Variants in SLC9B1 observed in about 807,000 individuals in gnomAD.
SLC9B1 encodes the protein solute carrier family 9 member B1, also known as sodium/hydrogen exchanger 9B1.
A neutral mutation model predicts 51.7 loss-of-function variants in SLC9B1; 32 were observed. That is an observed-to-expected ratio of 0.62 (90% CI 0.47 to 0.83). SLC9B1 has a LOEUF of 0.83. SLC9B1 is among the 40% of genes least tolerant of loss of function. The probability of loss-of-function intolerance (pLI) is 0.00; values close to 1 mark genes in which losing one functional copy is unlikely to be tolerated. For synonymous variants in SLC9B1, 145 were observed against 212.7 expected (o/e 0.68, Z 2.77); for missense variants, 406 against 613.2 (o/e 0.66, Z 3.57).
intron 3 of SLC9B1, among the ~76,000 whole-genome samples, chr4:102,958,078 T>C (rs1172557882): frequency 6.6e-6 from 1 of 152,166 alleles, no homozygotes; most frequent in East Asian, 1.9e-4. Flanking sequence ...TGAAACTCTG[T>C]TGATATAGTT....
intron 3 of SLC9B1, among the ~76,000 whole-genome samples, chr4:102,967,643 C>A (rs1560957424): frequency 6.6e-6 from 1 of 152,088 alleles, no homozygotes; most frequent in Admixed American, 6.6e-5. Context: ...CAACTAATCC[C>A]ACAAGAGTGA....
intron 3 of SLC9B1, among the ~76,000 whole-genome samples, chr4:102,966,774 T>C (rs1006149691): frequency 3.3e-5 from 5 of 152,242 alleles, no homozygotes; most frequent in African/African-American, 9.6e-5. Flanking sequence ...TTGGTTGTTC[T>C]GCTGCACCCT....
In SLC9B1 at chr4:103,019,594, C is replaced by T. The variant is rs115084839; in HGVS notation, c.-2+5G>A. 300 of 985,460 alleles carry T rather than the reference C, an allele frequency of 3.0e-4. 1 individual carries two copies. The African/African-American group carries it at 4.8e-3, about 16-fold the overall frequency. 61.0% of individuals were successfully genotyped at this position (985,460 alleles called of 1,614,324 possible). On this transcript the variant is annotated splice_donor_5th_base_variant and intron_variant, in intron 1 of 11. Coordinates refer to ENST00000296422, the MANE Select transcript of SLC9B1 (RefSeq NM_139173.4). ...AAGGGCGGCGTTAAGAAAAATGGGC[C>T]GTACCTACAACTTCTTTCGCAGCCC...
rs1410427534 is a variant in SLC9B1 at position 103,003,001 on chromosome 4, C to T, written c.-1-11289G>A. On this transcript the variant is annotated intron_variant, in intron 1 of 11. Transcript: ENST00000296422. ...TTCTTATATAAAAAAGAAACAAAAT[C>T]CTTGCTTTTTTAAAGCTTGTATAAT... Among the ~76,000 whole-genome samples the T allele has an allele frequency of 1.3e-5, 2 of 152,152 alleles. 1 individual carries two copies. Among genetic ancestry groups the T allele is most frequent in the Non-Finnish European group, 2.9e-5 (2 of 68,024 alleles).
intron 11 of SLC9B1, among the ~76,000 whole-genome samples, chr4:102,901,751 C>T (rs1734803776): frequency 6.6e-6 from 1 of 152,062 alleles, no homozygotes; most frequent in South Asian, 2.1e-4. Flanking sequence ...GGATTTGTTG[C>T]CCTTCTTCTC....
At chr4:102,951,511 G>A (rs1377915158) in intron 3 of SLC9B1, among the ~76,000 whole-genome samples, 1 of 151,874 alleles carries the variant, frequency 6.6e-6, no homozygotes, top group Non-Finnish European at 1.5e-5. Context: ...TTGGAGACAT[G>A]AGAAGAAGAA....
intron 4 of SLC9B1, among the ~76,000 whole-genome samples, chr4:102,947,192 T>C (rs1578370573): frequency 6.6e-6 from 1 of 152,120 alleles, no homozygotes; most frequent in Non-Finnish European, 1.5e-5. Context: ...AGAGACCAAA[T>C]TGAAGGCTCT....
At chr4:103,019,550 C>G (rs1385318852) in intron 1 of SLC9B1, 49 bp downstream of exon 1, 1 of 983,622 alleles carries the variant, frequency 1.0e-6, no homozygotes, top group African/African-American at 1.7e-5. Flanking sequence ...AGACCCGGGA[C>G]TAGCGCCAAA....
intron 11 of SLC9B1, among the ~76,000 whole-genome samples, chr4:102,904,750 G>T (rs1258141035): frequency 6.6e-6 from 1 of 152,132 alleles, no homozygotes; most frequent in East Asian, 1.9e-4. Context: ...GGGAGGCTGA[G>T]GCGGGTGGAT....
At chr4:102,907,636 C>T (rs2110428670) in intron 9 of SLC9B1, among the ~76,000 whole-genome samples, 1 of 152,312 alleles carries the variant, frequency 6.6e-6, no homozygotes, top group African/African-American at 2.4e-5. Context: ...GGCTCTTCTC[C>T]AGGAATTTGG....
chr4:102,991,719 T>G lies in SLC9B1; in HGVS notation c.-1-7A>C. On this transcript the variant is annotated splice_region_variant and splice_polypyrimidine_tract_variant and intron_variant, in intron 1 of 11. Transcript: ENST00000296422. Reference sequence around the variant, plus strand: ...TGATTCTGTGGTATGCATGCTAAGATTTAAAAGAAAAATACTTTAAAAGAA... The same window carrying G: ...TGATTCTGTGGTATGCATGCTAAGAGTTAAAAGAAAAATACTTTAAAAGAA... 6.4e-7 allele frequency: 1 copy of G among 1,553,518 alleles called. No individual in the cohort carries two copies.
chr4:102,891,494 G>T (rs1052596523), intron 11 of SLC9B1: 7 of 152,194 alleles, frequency 4.6e-5, no homozygotes, highest in African/African-American at 1.7e-4. Flanking sequence ...GTTTAGTGAT[G>T]AATTGGAATC....
At chr4:102,927,278 C>A (rs1736232369) in intron 7 of SLC9B1, among the ~76,000 whole-genome samples, 2 of 152,174 alleles carry the variant, frequency 1.3e-5, no homozygotes, top group South Asian at 4.1e-4. Flanking sequence ...AGAGCTTCTG[C>A]ATAGCAAAAG....
At chr4:103,012,744 T>G (rs1395500078) in intron 1 of SLC9B1, among the ~76,000 whole-genome samples, 2 of 152,296 alleles carry the variant, frequency 1.3e-5, no homozygotes, top group East Asian at 3.9e-4. Flanking sequence ...TTCAGTCAGG[T>G]TCAGTGTCTG....
intron 7 of SLC9B1, among the ~76,000 whole-genome samples, chr4:102,915,512 A>C (rs1343566208): frequency 1.3e-5 from 2 of 152,120 alleles, no homozygotes; most frequent in Non-Finnish European, 2.9e-5. Flanking sequence ...CTCCCACCTC[A>C]ACCTCCCAAG....
intron 7 of SLC9B1, among the ~76,000 whole-genome samples, chr4:102,922,176 G>C (rs1578348476): frequency 1.3e-5 from 2 of 152,304 alleles, no homozygotes; most frequent in Admixed American, 1.3e-4. Context: ...GCACTAGTCA[G>C]CAAATGTAAA....
At chr4:102,934,728 T>C (rs1167591762) in intron 6 of SLC9B1, among the ~76,000 whole-genome samples, 2 of 142,808 alleles carry the variant, frequency 1.4e-5, no homozygotes, top group Non-Finnish European at 3.0e-5. Flanking sequence ...ATCACGCCAC[T>C]GCACTACAGC....
chr4:102,934,379 A>C (rs755968934), intron 6 of SLC9B1, among the ~76,000 whole-genome samples: 3 of 152,192 alleles, frequency 2.0e-5, no homozygotes, highest in Admixed American at 1.3e-4. Context: ...TGGTATTTTA[A>C]ATCAGTGGGA....
intron 1 of SLC9B1, among the ~76,000 whole-genome samples, chr4:103,016,296 C>T (rs1242073943): frequency 6.6e-6 from 1 of 152,042 alleles, no homozygotes; most frequent in East Asian, 1.9e-4. Context: ...TTCCACCCCC[C>T]TCTATTGGAT....
Sources: gnomAD v4.1 joint callset for allele counts (sites outside exome capture counted in the v4.1 genomes callset) on GRCh38, gnomAD v4.1.1 for gene constraint, MANE v1.5 for transcripts, NCBI Gene and HGNC (gene_info 2026-07-23, HGNC 2026-07-21) for gene names.